EGFR: variants seen among roughly 807,000 people sequenced by gnomAD.
EGFR encodes the protein avian erythroblastic leukemia viral (v-erb-b) oncogene homolog.
Under a neutral mutation model 143.0 loss-of-function variants are expected in EGFR, and 58 were observed. The ratio of observed to expected loss-of-function variants is 0.41; its 90% CI spans 0.33 to 0.50. EGFR has a LOEUF of 0.50. Among genes scored for constraint, EGFR ranks in the 20% least tolerant of loss-of-function variants. The pLI, the probability that EGFR is intolerant of heterozygous loss-of-function variation, is 0.39. For missense variants in EGFR, 1,307 were observed against 1,579.0 expected (o/e 0.83, Z 2.92); for synonymous variants, 613 against 594.4 (o/e 1.03, Z -0.45).
chr7:55,200,564 G>A (rs982792283), intron 24 of EGFR, 151 bp downstream of exon 24: 81 of 789,468 alleles, frequency 1.0e-4, no homozygotes, highest in African/African-American at 1.9e-4. Flanking sequence ...TCAGTAAGGC[G>A]CAGGCCACAT....
intron 18 of EGFR, 104 bp from the exon 19 acceptor site, chr7:55,174,618 C>T (rs1786508485): frequency 2.0e-6 from 2 of 1,006,958 alleles, no homozygotes; most frequent in African/African-American, 1.6e-5. Context: ...CAGTGTCCCT[C>T]ACCTTCGGGG....
At chr7:55,179,361 C>T (rs1786751338) in intron 19 of EGFR, among the ~76,000 whole-genome samples, 1 of 152,228 alleles carries the variant, frequency 6.6e-6, no homozygotes, top group South Asian at 2.1e-4. Flanking sequence ...CTAAAAGGTT[C>T]CCAGGCAATG....
At chr7:55,027,504 A>G (rs763317) in intron 1 of EGFR, among the ~76,000 whole-genome samples, 90,256 of 152,090 alleles carry the variant, frequency 0.59, 27,388 homozygotes, top group East Asian at 0.79. Context: ...AATGTCAAAG[A>G]TAAAGTGCAA....
Sources: gnomAD v4.1 joint callset for allele counts (sites outside exome capture counted in the v4.1 genomes callset) on GRCh38, gnomAD v4.1.1 for gene constraint, MANE v1.5 for transcripts, NCBI Gene and HGNC (gene_info 2026-07-23, HGNC 2026-07-21) for gene names.